The following SOD1 variants were observed in gnomAD, a reference collection of about 807,000 sequenced individuals.
The protein encoded by SOD1 is superoxide dismutase [Cu-Zn].
Under a neutral mutation model 15.9 loss-of-function variants are expected in SOD1, and 8 were observed. The observed-to-expected ratio is 0.50, with a 90% CI of 0.30 to 0.91. The LOEUF is 0.91. Among genes scored for constraint, SOD1 ranks in the 40% least tolerant of loss-of-function variants. The probability of loss-of-function intolerance (pLI) is 0.07; values close to 1 mark genes in which losing one functional copy is unlikely to be tolerated. For missense variants in SOD1, 137 were observed against 194.5 expected, an observed-to-expected ratio of 0.70 and a Z score of 1.76; for synonymous variants, 86 against 71.2, an observed-to-expected ratio of 1.21 and a Z score of -1.04.
At chr21:31,660,745 A>G (rs1568807994) in intron 1 of SOD1, 1 of 152,202 alleles carries the variant, frequency 6.6e-6, no homozygotes, top group Non-Finnish European at 1.5e-5. Flanking sequence ...TCCAAAAGTG[A>G]TTTTGATGTG....
At chr21:31,666,423 C>G in intron 2 of SOD1, 26 bp from the exon 3 acceptor site, 1 of 1,558,094 alleles carries the variant, frequency 6.4e-7, no homozygotes, top group Non-Finnish European at 8.8e-7. Flanking sequence ...CATAATTTAG[C>G]TTTTTTTTCT....
At position 31,666,836 on chromosome 21, in the gene SOD1, CATT is replaced by C. The variant is rs527717238; in HGVS notation, c.239+319_239+321del. 455 of 415,274 alleles carry C rather than the reference CATT, an allele frequency of 1.1e-3. 1 individual carries two copies. The highest frequency in any genetic ancestry group is 1.5e-3 in the Non-Finnish European group (336 of 228,852). The allele number at this position is 415,274 out of a possible 1,614,324, so 25.7% of individuals were successfully genotyped here. ...GTCAACCACTAGCAAAATCAATCAT[CATT>C]GTGAAACATAGGAAGCTTCTGTAGA... On this transcript the variant is annotated intron_variant, in intron 3 of 4. Coordinates refer to ENST00000270142, the MANE Select transcript of SOD1 (RefSeq NM_000454.5).
chr21:31,660,271 C>A, intron 1 of SOD1: 1 of 152,486 alleles, frequency 6.6e-6, no homozygotes, highest in Non-Finnish European at 1.5e-5. Flanking sequence ...AGTGCCAGGC[C>A]CAGCCCGGGG....
At chr21:31,666,361 A>T in intron 2 of SOD1, 88 bp from the exon 3 acceptor site, 1 of 975,608 alleles carries the variant, frequency 1.0e-6, no homozygotes, top group Non-Finnish European at 1.6e-6. Flanking sequence ...CACTTTCTCC[A>T]TGGGAAGTTT....
rs374610141 is a variant in SOD1, at chr21:31,666,524, A to C, written c.239+6A>C. On this transcript the variant is annotated splice_donor_region_variant and intron_variant, in intron 3 of 4. Transcript: ENST00000270142. ...GGGCCAAAGGATGAAGAGAGGTAAC[A>C]AGATGCTTAACTCTTGTAATAATGG... 3.1e-5 allele frequency: 50 copies of C among 1,597,508 alleles called. No homozygotes were observed. In the African/African-American group the frequency reaches 6.2e-4, roughly 20 times the overall value.
chr21:31,666,069 T>A (rs2049590383), intron 2 of SOD1, among the ~76,000 whole-genome samples: 1 of 151,584 alleles, frequency 6.6e-6, no homozygotes, highest in Non-Finnish European at 1.5e-5. Context: ...CCTCCCAGGT[T>A]CAAGCGATTC....
chr21:31,659,955 G>T (rs2049533505), intron 1 of SOD1, 114 bp downstream of exon 1: 11 of 1,057,754 alleles, frequency 1.0e-5, no homozygotes, highest in Non-Finnish European at 1.5e-5. Context: ...CTGGTCCAGC[G>T]CCCGGTCCCG....
chr21:31,667,009 TAATTAACAGGCA>T, intron 3 of SOD1: 1 of 547,492 alleles, frequency 1.8e-6, no homozygotes, highest in Non-Finnish European at 3.3e-6. Flanking sequence ...GCTATGCCAG[TAATTAACAGGCA>T]TAACTCAGTA....
intron 2 of SOD1, among the ~76,000 whole-genome samples, chr21:31,666,118 C>T (rs1337406357): frequency 4.0e-5 from 6 of 151,886 alleles, no homozygotes; most frequent in South Asian, 4.2e-4. Context: ...ACTATAGGTG[C>T]GCACCACCAC....
Position 31,663,881 on chromosome 21 carries a change from C to T in SOD1, c.164C>T (p.Thr55Ile). Residue 55 changes from threonine (T) to isoleucine (I), a missense_variant, in exon 2 of 5, where the codon ACA becomes ATA. Coordinates refer to ENST00000270142, the MANE Select transcript of SOD1 (RefSeq NM_000454.5). The part of the protein sequence containing the change: ...GFHVHEFGDN[T>I]AGCTSAGPHF... ...CATGTTCATGAGTTTGGAGATAATA[C>T]AGCAGGTGGGTGTTGTGCTGTGCTG... 2 of 1,611,418 alleles carry T rather than the reference C, an allele frequency of 1.2e-6. No individual in the cohort carries two copies. The highest frequency in any genetic ancestry group is 1.7e-6 in the Non-Finnish European group (2 of 1,177,632).
chr21:31,663,959 C>T lies in SOD1; in HGVS notation c.169+73C>T. On this transcript the variant is annotated intron_variant, in intron 2 of 4. Transcript: ENST00000270142. ...GATAAACAGTAGAGTAGCCCCTAAA[C>T]GTTAAAACCCCTCAACTTGTTTTTG... 8.9e-6 allele frequency: 10 copies of T among 1,124,518 alleles called. No individual in the cohort carries two copies. The Admixed American group carries it at 1.2e-4, about 13-fold the overall frequency. The allele number at this position is 1,124,518 out of a possible 1,614,324, so 69.7% of individuals were successfully genotyped here.
intron 2 of SOD1, 141 bp downstream of exon 2, chr21:31,664,027 A>C: frequency 1.5e-6 from 1 of 680,782 alleles, no homozygotes; most frequent in Middle Eastern, 3.7e-4. Flanking sequence ...GCTGGAGTGC[A>C]GTGGCGCTGT....
chr21:31,665,973 T>TTG (rs1455504580), intron 2 of SOD1, among the ~76,000 whole-genome samples: 1 of 130,756 alleles, frequency 7.6e-6, no homozygotes, highest in African/African-American at 2.9e-5. Flanking sequence ...TGGTGGGGTT[T>TTG]TTTTTTTTTT....
Position 31,668,013 on chromosome 21 carries a change from CT to C in SOD1, c.358-456del, listed in dbSNP as rs11307260. On this transcript the variant is annotated intron_variant, in intron 4 of 4. Transcript: ENST00000270142. ...TTGAACAAAATTCAAAATACTGTTG[CT>C]TAAAGTATTAAGATTTTTTAGGATT... 0.48 allele frequency among the ~76,000 whole-genome samples: 73,555 copies of C among 151,928 alleles called. 18,385 individuals are homozygous for C. Among genetic ancestry groups the C allele is most frequent in the East Asian group, 0.84 (4,347 of 5,178 alleles).
chr21:31,667,159 A>G, intron 3 of SOD1, 99 bp from the exon 4 acceptor site: 4 of 892,820 alleles, frequency 4.5e-6, no homozygotes, highest in Non-Finnish European at 7.4e-6. Context: ...ACTTGTTTGC[A>G]AATTTGTGTC....
intron 2 of SOD1, chr21:31,664,423 TG>T (rs370112591): frequency 2.1e-4 from 40 of 194,190 alleles, no homozygotes; most frequent in African/African-American, 8.0e-4. Context: ...TTGTGAAGAC[TG>T]GGGTGGACCT....
At chr21:31,667,233 C>G (rs2049601782) in intron 3 of SOD1, 25 bp from the exon 4 acceptor site, 1 of 1,518,308 alleles carries the variant, frequency 6.6e-7, no homozygotes, top group Admixed American at 1.7e-5. Flanking sequence ...CAGCCCTAAT[C>G]CATCTGATGC....
chr21:31,667,270 C>T lies in SOD1; in HGVS notation c.252C>T (p.Asp84=). ...TTTTCATTATTAGGCATGTTGGAGACTTGGGCAATGTGACTGCTGACAAAG... is the reference window on the plus strand; with the variant it reads ...TTTTCATTATTAGGCATGTTGGAGATTTGGGCAATGTGACTGCTGACAAAG... ...GPKDEERHVG[D]LGNVTADKDG... is the part of the protein sequence containing the mutation. Residue 84 remains aspartate (D), a synonymous_variant, in exon 4 of 5, where the codon GAC becomes GAT. Transcript: ENST00000270142. 1 of 1,613,630 alleles carries T rather than the reference C, an allele frequency of 6.2e-7. No homozygotes were observed. Among genetic ancestry groups the T allele is most frequent in the African/African-American group, 1.3e-5 (1 of 75,024 alleles).
chr21:31,663,403 GTATT>G (rs1422202203), intron 1 of SOD1, among the ~76,000 whole-genome samples: 2 of 152,142 alleles, frequency 1.3e-5, no homozygotes, highest in Admixed American at 1.3e-4. Context: ...CTATTCAAAA[GTATT>G]TACTACATAA....
Sources: allele counts gnomAD v4.1 joint callset (sites outside exome capture counted in the v4.1 genomes callset), GRCh38; gene constraint gnomAD v4.1.1; transcripts MANE v1.5; gene names NCBI Gene and HGNC (gene_info 2026-07-23, HGNC 2026-07-21).